Variants in LHFPL3 observed in about 807,000 individuals in gnomAD.
LHFPL3 encodes LHFPL tetraspan subfamily member 3 protein.
Under a neutral mutation model 19.3 loss-of-function variants are expected in LHFPL3, and 5 were observed. The ratio of observed to expected loss-of-function variants is 0.26; its 90% CI spans 0.14 to 0.54. LHFPL3 has a LOEUF of 0.54. LHFPL3 is among the 20% of genes least tolerant of loss of function. LHFPL3 has a pLI of 0.94. For missense variants in LHFPL3, 249 were observed against 307.4 expected, an observed-to-expected ratio of 0.81 and a Z score of 1.42; for synonymous variants, 133 against 126.2, an observed-to-expected ratio of 1.05 and a Z score of -0.36.
intron 1 of LHFPL3, among the ~76,000 whole-genome samples, chr7:104,729,474 CCTAT>C (rs1336825060): frequency 1.3e-5 from 2 of 152,102 alleles, no homozygotes; most frequent in South Asian, 2.1e-4. Flanking sequence ...AATAATTCCT[CCTAT>C]CTAACTGTAA....
At chr7:104,394,005 T>C (rs1791132278) in intron 1 of LHFPL3, among the ~76,000 whole-genome samples, 1 of 152,106 alleles carries the variant, frequency 6.6e-6, no homozygotes, top group East Asian at 1.9e-4. Flanking sequence ...GATGAGAAGG[T>C]TCTAAAATTA....
At position 104,836,694 on chromosome 7, in the gene LHFPL3, C is replaced by T. The variant is rs371645172; in HGVS notation, c.683-69493C>T. Among the ~76,000 whole-genome samples, 23 of 152,286 alleles carry T rather than the reference C, an allele frequency of 1.5e-4. No individual in the cohort carries two copies. In the East Asian group the frequency reaches 4.4e-3, roughly 29 times the overall value. Reference sequence around the variant, plus strand: ...CTCTGTTTTTTATAAGTTCACTATGCTCTGCTACCCATTCTGATATTCCAG... The same window carrying T: ...CTCTGTTTTTTATAAGTTCACTATGTTCTGCTACCCATTCTGATATTCCAG... On this transcript the variant is annotated intron_variant, in intron 2 of 2. Coordinates refer to ENST00000424859, the MANE Select transcript of LHFPL3 (RefSeq NM_199000.3).
intron 1 of LHFPL3, among the ~76,000 whole-genome samples, chr7:104,375,260 C>T (rs970630904): frequency 6.6e-6 from 1 of 152,122 alleles, no homozygotes; most frequent in African/African-American, 2.4e-5. Flanking sequence ...ATCACTTGAA[C>T]CTGGGAAGCA....
chr7:104,489,503 C>A (rs1793299352), intron 1 of LHFPL3, among the ~76,000 whole-genome samples: 3 of 151,136 alleles, frequency 2.0e-5, no homozygotes, highest in African/African-American at 7.3e-5. Context: ...CTAATACCCT[C>A]TTTCCTTTGC....
intron 1 of LHFPL3, among the ~76,000 whole-genome samples, chr7:104,608,487 G>A (rs1336788879): frequency 7.9e-6 from 1 of 126,946 alleles, no homozygotes; most frequent in African/African-American, 3.0e-5. Flanking sequence ...CACACTCCGG[G>A]GACTGTTGTG....
At chr7:104,881,039 A>T (rs1310475748) in intron 2 of LHFPL3, among the ~76,000 whole-genome samples, 1 of 151,962 alleles carries the variant, frequency 6.6e-6, no homozygotes, top group Admixed American at 6.6e-5. Context: ...GCGTGCTAGC[A>T]GGCACCTGTA....
intron 1 of LHFPL3, among the ~76,000 whole-genome samples, chr7:104,439,907 T>C (rs1792182529): frequency 6.6e-6 from 1 of 152,070 alleles, no homozygotes; most frequent in Admixed American, 6.6e-5. Context: ...ACTGCCTTTA[T>C]TCACAATGTG....
At chr7:104,518,508 CTA>C (rs1158030942) in intron 1 of LHFPL3, among the ~76,000 whole-genome samples, 1 of 46,376 alleles carries the variant, frequency 2.2e-5, no homozygotes, top group Non-Finnish European at 3.8e-5. Flanking sequence ...TTAAATTCTA[CTA>C]CTGGACACAT....
intron 2 of LHFPL3, among the ~76,000 whole-genome samples, chr7:104,855,872 T>C (rs1791497071): frequency 6.6e-6 from 1 of 152,124 alleles, no homozygotes; most frequent in Non-Finnish European, 1.5e-5. Context: ...GGCCTGCCAA[T>C]GTGCTGGGAT....
chr7:104,428,004 A>T (rs954136634), intron 1 of LHFPL3, among the ~76,000 whole-genome samples: 1 of 152,214 alleles, frequency 6.6e-6, no homozygotes, highest in African/African-American at 2.4e-5. Flanking sequence ...AAATGGATGG[A>T]AAATGCCATC....
intron 1 of LHFPL3, among the ~76,000 whole-genome samples, chr7:104,640,247 A>G (rs1791806891): frequency 6.6e-6 from 1 of 152,046 alleles, no homozygotes; most frequent in South Asian, 2.1e-4. Flanking sequence ...TGCATTAGGT[A>G]TTTGTCCTAA....
chr7:104,511,535 A>C (rs944633122), intron 1 of LHFPL3, among the ~76,000 whole-genome samples: 2 of 152,218 alleles, frequency 1.3e-5, no homozygotes, highest in African/African-American at 4.8e-5. Flanking sequence ...TGGCAGCTTC[A>C]TTCATAATAA....
intron 2 of LHFPL3, among the ~76,000 whole-genome samples, chr7:104,738,093 T>A (rs1562977826): frequency 6.6e-6 from 1 of 152,152 alleles, no homozygotes; most frequent in Non-Finnish European, 1.5e-5. Context: ...TCTCCCTGAT[T>A]TATAGACAGA....
intron 2 of LHFPL3, among the ~76,000 whole-genome samples, chr7:104,865,423 C>A (rs1170629328): frequency 6.6e-6 from 1 of 152,026 alleles, no homozygotes; most frequent in African/African-American, 2.4e-5. Flanking sequence ...AACTACATGA[C>A]GAATGCACAA....
intron 1 of LHFPL3, among the ~76,000 whole-genome samples, chr7:104,484,572 C>G (rs1793202628): frequency 6.6e-6 from 1 of 152,258 alleles, no homozygotes; most frequent in African/African-American, 2.4e-5. Flanking sequence ...GGCAAAACAT[C>G]TAAAGTACCT....
intron 2 of LHFPL3, among the ~76,000 whole-genome samples, chr7:104,813,300 C>T (rs553996235): frequency 4.4e-4 from 67 of 152,148 alleles, no homozygotes; most frequent in Non-Finnish European, 6.0e-4. Context: ...ATAAAGAATA[C>T]GTACAGTATT....
chr7:104,869,214 G>A (rs1791786800), intron 2 of LHFPL3, among the ~76,000 whole-genome samples: 1 of 152,116 alleles, frequency 6.6e-6, no homozygotes. Flanking sequence ...AAAAGCAATG[G>A]CAACAAAAGC....
intron 1 of LHFPL3, among the ~76,000 whole-genome samples, chr7:104,372,556 C>T (rs1270744342): frequency 6.6e-6 from 1 of 152,084 alleles, no homozygotes; most frequent in African/African-American, 2.4e-5. Flanking sequence ...AAGCTCTGAT[C>T]CTCAAAAGAA....
intron 1 of LHFPL3, among the ~76,000 whole-genome samples, chr7:104,382,194 C>A (rs1396042560): frequency 6.6e-6 from 1 of 152,180 alleles, no homozygotes; most frequent in Non-Finnish European, 1.5e-5. Flanking sequence ...GTATCTGCAT[C>A]ACCAGGAAAT....
Sources: allele counts gnomAD v4.1 joint callset (sites outside exome capture counted in the v4.1 genomes callset), GRCh38; gene constraint gnomAD v4.1.1; transcripts MANE v1.5; gene names NCBI Gene and HGNC (gene_info 2026-07-23, HGNC 2026-07-21).